The following AEBP2 variants were observed in gnomAD, a reference collection of about 807,000 sequenced individuals.
AEBP2 encodes the protein AE binding protein 2, also known as zinc finger protein AEBP2.
A neutral mutation model predicts 50.8 loss-of-function variants in AEBP2; 10 were observed. The observed-to-expected ratio is 0.20, with a 90% CI of 0.12 to 0.33. AEBP2 has a LOEUF of 0.33. Among genes scored for constraint, AEBP2 ranks in the 10% least tolerant of loss-of-function variants. The pLI, the probability that AEBP2 is intolerant of heterozygous loss-of-function variation, is 1.00. For synonymous variants in AEBP2, 296 were observed against 261.3 expected (o/e 1.13, Z -1.28); for missense variants, 570 against 688.0 (o/e 0.83, Z 1.92).
chr12:19,462,031 A>C (rs2153370155), intron 1 of AEBP2, among the ~76,000 whole-genome samples: 1 of 152,290 alleles, frequency 6.6e-6, no homozygotes, highest in Admixed American at 6.5e-5. Context: ...CATGAAAAGA[A>C]GTAGGATGTG....
At chr12:19,410,826 G>A (rs1432524004) in intron 1 of AEBP2, among the ~76,000 whole-genome samples, 3 of 152,182 alleles carry the variant, frequency 2.0e-5, no homozygotes, top group East Asian at 1.9e-4. Context: ...TTGTAAGACC[G>A]TTTAATGCTT....
chr12:19,441,457 T>A (rs186651220), intron 1 of AEBP2, among the ~76,000 whole-genome samples: 40 of 152,314 alleles, frequency 2.6e-4, no homozygotes, highest in African/African-American at 8.7e-4. Context: ...ACATTTTTTT[T>A]AAACATGCTC....
Position 19,518,748 on chromosome 12 carries a change from G to A in AEBP2, c.*631G>A, listed in dbSNP as rs757016423. The A allele has an allele frequency of 4.5e-5, 66 of 1,480,982 alleles. No homozygotes were observed. Among genetic ancestry groups the A allele is most frequent in the Admixed American group, 1.4e-4 (7 of 49,512 alleles). 91.7% of individuals were successfully genotyped at this position (1,480,982 alleles called of 1,614,324 possible). On this transcript the variant is annotated 3_prime_UTR_variant, in exon 8 of 8. Transcript: ENST00000266508. ...GACGTTTGCAATCAACTAAAAATTCGTCTATCGAATTAGGGCTGAAAATTA... is the reference window on the plus strand; with the variant it reads ...GACGTTTGCAATCAACTAAAAATTCATCTATCGAATTAGGGCTGAAAATTA...
At chr12:19,424,122 A>G (rs1290257543) in intron 1 of AEBP2, among the ~76,000 whole-genome samples, 2 of 152,192 alleles carry the variant, frequency 1.3e-5, no homozygotes, top group Non-Finnish European at 2.9e-5. Context: ...TTGGAAATCA[A>G]TACTTAAAAA....
upstream of AEBP2, among the ~76,000 whole-genome samples, chr12:19,438,675 C>T (rs1025425726): frequency 1.3e-5 from 2 of 152,150 alleles, no homozygotes; most frequent in African/African-American, 4.8e-5. Context: ...TTTATGTTCA[C>T]ATTTTTATTA....
intron 5 of AEBP2, chr12:19,509,264 CTTT>C (rs1949198551): frequency 3.5e-6 from 1 of 282,582 alleles, no homozygotes; most frequent in Non-Finnish European, 6.9e-6. Context: ...AAAAATGCAA[CTTT>C]TTTAAGTAAT....
chr12:19,469,027 C>T (rs926752603), intron 2 of AEBP2, among the ~76,000 whole-genome samples: 2 of 152,126 alleles, frequency 1.3e-5, no homozygotes, highest in Non-Finnish European at 2.9e-5. Context: ...CAGGTTCAAG[C>T]GATCCTCCTC....
rs77411955 is a variant in AEBP2 at position 19,443,893 on chromosome 12, C to G, written c.671+3523C>G. ...CCCCCAGAAGAAAGTTTTTCAAAACCAGTGTAAGTTTATAGCGTGTTTATT... is the reference window on the plus strand; with the variant it reads ...CCCCCAGAAGAAAGTTTTTCAAAACGAGTGTAAGTTTATAGCGTGTTTATT... On this transcript the variant is annotated intron_variant, in intron 1 of 7. Transcript: ENST00000266508. 8.0e-3 allele frequency among the ~76,000 whole-genome samples: 1,218 copies of G among 151,932 alleles called. 17 individuals carry two copies. Among genetic ancestry groups the G allele is most frequent in the African/African-American group, 0.028 (1,145 of 41,434 alleles).
intron 5 of AEBP2, among the ~76,000 whole-genome samples, chr12:19,504,462 G>C (rs757757638): frequency 1.3e-5 from 2 of 151,496 alleles, no homozygotes; most frequent in African/African-American, 4.9e-5. Flanking sequence ...GGATGCTCTC[G>C]ATCTCCTGAC....
chr12:19,407,429 A>C (rs1417631024), intron 1 of AEBP2, among the ~76,000 whole-genome samples: 4 of 151,752 alleles, frequency 2.6e-5, no homozygotes, highest in African/African-American at 7.3e-5. Flanking sequence ...TCAGCCTCCC[A>C]AGTAGCTGGG....
At chr12:19,445,548 A>C (rs1026318064) in intron 1 of AEBP2, among the ~76,000 whole-genome samples, 1 of 152,150 alleles carries the variant, frequency 6.6e-6, no homozygotes, top group African/African-American at 2.4e-5. Flanking sequence ...CTGGGGATAC[A>C]GCAGGGTATA....
At chr12:19,406,669 G>A (rs1300194068) in intron 1 of AEBP2, among the ~76,000 whole-genome samples, 5 of 50,376 alleles carry the variant, frequency 9.9e-5, no homozygotes, top group Non-Finnish European at 1.4e-4. Context: ...CAGCAAGAGC[G>A]AAACTCTGTC....
At chr12:19,424,460 G>T (rs769922535) in intron 1 of AEBP2, among the ~76,000 whole-genome samples, 122 of 151,836 alleles carry the variant, frequency 8.0e-4, no homozygotes, top group Non-Finnish European at 1.5e-3. Flanking sequence ...GCAGTGGCGC[G>T]ATCTCGGCTC....
In AEBP2 at chr12:19,413,176, G is replaced by A. The variant is rs150927364; in HGVS notation, c.-17+8960G>A. 2.2e-4 allele frequency: 164 copies of A among 756,040 alleles called. No individual in the cohort carries two copies. The East Asian group carries it at 3.7e-3, about 17-fold the overall frequency. 46.8% of individuals were successfully genotyped at this position (756,040 alleles called of 1,614,324 possible). A position where few individuals can be genotyped will look rare whatever the true frequency, so the allele number is the denominator to read the frequency against. ...AGGATCCTGGCGATGCAGCCCAACA[G>A]GAAGCAAAGCACAGGGAAGCAGAAA... On this transcript the variant is annotated intron_variant, in intron 1 of 3. Coordinates refer to the AEBP2 transcript ENST00000538425.
In AEBP2 at chr12:19,520,487, G is replaced by T. The variant is rs995823746; in HGVS notation, c.*2370G>T. ...TTGAAATGAGCTAGCTTTATAACTTGTATGTATACATATATACACATAACA... is the reference window on the plus strand; with the variant it reads ...TTGAAATGAGCTAGCTTTATAACTTTTATGTATACATATATACACATAACA... On this transcript the variant is annotated 3_prime_UTR_variant, in exon 8 of 8. Coordinates refer to ENST00000266508, the MANE Select transcript of AEBP2 (RefSeq NM_153207.5). 2 of 152,106 alleles carry T rather than the reference G, an allele frequency of 1.3e-5. No individual in the cohort carries two copies. Among genetic ancestry groups the T allele is most frequent in the Non-Finnish European group, 2.9e-5 (2 of 68,020 alleles). The allele number at this position is 152,106 out of a possible 1,614,324, so 9.4% of individuals were successfully genotyped here. A position where few individuals can be genotyped will look rare whatever the true frequency, so the allele number is the denominator to read the frequency against.
chr12:19,506,484 A>T (rs1949157363), intron 5 of AEBP2, among the ~76,000 whole-genome samples: 1 of 152,200 alleles, frequency 6.6e-6, no homozygotes, highest in Non-Finnish European at 1.5e-5. Context: ...GTACCCATTG[A>T]AAGTATACAT....
intron 1 of AEBP2, chr12:19,456,306 T>C (rs2153369075): frequency 2.0e-6 from 3 of 1,497,200 alleles, no homozygotes; most frequent in South Asian, 2.3e-5. Flanking sequence ...AGCAGCCTTC[T>C]TGTTCACTGC....
chr12:19,415,797 G>A (rs923648825), intron 1 of AEBP2, among the ~76,000 whole-genome samples: 7 of 152,110 alleles, frequency 4.6e-5, no homozygotes, highest in Non-Finnish European at 8.8e-5. Context: ...TGGCAATGAT[G>A]TTTTCAGCTA....
At chr12:19,413,027 G>T (rs2095740296) in intron 1 of AEBP2, 9 of 436,876 alleles carry the variant, frequency 2.1e-5, no homozygotes, top group Admixed American at 3.5e-5. Context: ...GGGTCCCCTG[G>T]CCTGGAGCGG....
Sources: gnomAD v4.1 joint callset for allele counts (sites outside exome capture counted in the v4.1 genomes callset) on GRCh38, gnomAD v4.1.1 for gene constraint, MANE v1.5 for transcripts, NCBI Gene and HGNC (gene_info 2026-07-23, HGNC 2026-07-21) for gene names.